The following MBNL2 variants were observed in gnomAD, a reference collection of about 807,000 sequenced individuals.
MBNL2 encodes muscleblind-like protein 2.
A neutral mutation model predicts 41.9 loss-of-function variants in MBNL2; 17 were observed. The observed-to-expected ratio is 0.41, with a 90% confidence interval of 0.28 to 0.61. The LOEUF is 0.61. Among genes scored for constraint, MBNL2 ranks in the 20% least tolerant of loss-of-function variants. MBNL2 has a pLI of 0.35. For synonymous variants in MBNL2, 195 were observed against 182.9 expected (o/e 1.07, Z -0.53); for missense variants, 336 against 505.6 (o/e 0.66, Z 3.22).
At position 97,366,747 on chromosome 13, in the gene MBNL2, T is replaced by C; in HGVS notation, c.1048+1576T>C. 1 of 654,280 alleles carries C rather than the reference T, an allele frequency of 1.5e-6. No homozygotes were observed. Among genetic ancestry groups the C allele is most frequent in the South Asian group, 1.7e-5 (1 of 60,120 alleles). 40.5% of individuals were successfully genotyped at this position (654,280 alleles called of 1,614,324 possible). A position where few individuals can be genotyped will look rare whatever the true frequency, so the allele number is the denominator to read the frequency against. ...TTAACATTTACTGCAAATAATGATGTAGCTATGTTTTGTGTTGCACTGTTT... is the reference window on the plus strand; with the variant it reads ...TTAACATTTACTGCAAATAATGATGCAGCTATGTTTTGTGTTGCACTGTTT... On this transcript the variant is annotated intron_variant, in intron 8 of 8. Transcript: ENST00000679496. This position sits in a 1 kb window ranked among gnomAD's most constrained non-coding sequence, Gnocchi z 4.7.
intron 2 of MBNL2, among the ~76,000 whole-genome samples, chr13:97,315,137 G>T (rs1305592976): frequency 6.6e-6 from 1 of 151,762 alleles, no homozygotes; most frequent in African/African-American, 2.4e-5. Flanking sequence ...AGTATTTTTT[G>T]TCTTACTGGA....
intron 2 of MBNL2, among the ~76,000 whole-genome samples, chr13:97,284,731 A>C (rs1312292750): frequency 6.6e-6 from 1 of 152,216 alleles, no homozygotes. Flanking sequence ...GAGGCTTGCA[A>C]AACTCCAGAA....
chr13:97,300,407 G>A (rs926495066), intron 2 of MBNL2, among the ~76,000 whole-genome samples: 12 of 152,208 alleles, frequency 7.9e-5, no homozygotes, highest in Non-Finnish European at 1.8e-4. Flanking sequence ...GTGGGGGATA[G>A]TTTGGGGATG....
the MBNL2 span, among the ~76,000 whole-genome samples, chr13:97,172,058 G>T: frequency 6.6e-6 from 1 of 152,122 alleles, no homozygotes; most frequent in Non-Finnish European, 1.5e-5. Flanking sequence ...TTTATCAGCA[G>T]AGTGAAAACG....
At chr13:97,375,038 C>T (rs941746395) in intron 8 of MBNL2, among the ~76,000 whole-genome samples, 3 of 152,112 alleles carry the variant, frequency 2.0e-5, no homozygotes, top group Non-Finnish European at 2.9e-5. Context: ...TGCCTACCTT[C>T]TCACACGTCT....
Position 97,388,733 on chromosome 13 carries a change from A to G in MBNL2, c.1049-2589A>G, listed in dbSNP as rs1444766361. Among the ~76,000 whole-genome samples the G allele has an allele frequency of 3.3e-5, 5 of 152,290 alleles. No homozygotes were observed. The South Asian group carries it at 8.3e-4, about 25-fold the overall frequency. On this transcript the variant is annotated intron_variant, in intron 8 of 8. Coordinates refer to ENST00000679496, the MANE Select transcript of MBNL2 (RefSeq NM_001382683.1). ...CTTGATCTGTATCCCTGTTCTGTCT[A>G]TATCTCCAGGGCATATTTCACCCCA...
intron 8 of MBNL2, among the ~76,000 whole-genome samples, chr13:97,390,677 G>A (rs1455398316): frequency 6.6e-6 from 1 of 152,098 alleles, no homozygotes; most frequent in Non-Finnish European, 1.5e-5. Context: ...CTTTATCTGT[G>A]CTTTAGCTGT....
intron 7 of MBNL2, chr13:97,363,209 G>A (rs2063556887): frequency 6.6e-6 from 1 of 152,158 alleles, no homozygotes; most frequent in Non-Finnish European, 1.5e-5. Flanking sequence ...TAGAGGAAAG[G>A]ACCTGGAACT....
intron 1 of MBNL2, among the ~76,000 whole-genome samples, chr13:97,255,017 C>CATTAATTCAGATGA (rs2047260989): frequency 6.6e-6 from 1 of 152,160 alleles, no homozygotes; most frequent in Non-Finnish European, 1.5e-5. Flanking sequence ...ATGAAATCAT[C>CATTAATTCAGATGA]AACCTTAATG....
chr13:97,169,584 G>C, the MBNL2 span, among the ~76,000 whole-genome samples: 15 of 152,294 alleles, frequency 9.8e-5, no homozygotes, highest in South Asian at 3.1e-3. Context: ...AGCGTTTTGT[G>C]TTTCTAAATG....
chr13:97,241,949 A>G (rs188750524), intron 1 of MBNL2, among the ~76,000 whole-genome samples: 4 of 152,286 alleles, frequency 2.6e-5, no homozygotes, highest in South Asian at 2.1e-4. Flanking sequence ...ACAAAAGCCA[A>G]TAGGAGGAAA....
chr13:97,388,341 G>A (rs1006929496), intron 8 of MBNL2, among the ~76,000 whole-genome samples: 1 of 132,982 alleles, frequency 7.5e-6, no homozygotes, highest in Non-Finnish European at 1.6e-5. Flanking sequence ...ATATATCATT[G>A]GTATGGGAGA....
the MBNL2 span, among the ~76,000 whole-genome samples, chr13:97,193,622 T>C: frequency 2.6e-5 from 4 of 152,298 alleles, no homozygotes; most frequent in African/African-American, 9.6e-5. Flanking sequence ...TTAAACGTGA[T>C]AATCAAGGTA....
At chr13:97,386,001 CA>C (rs1458784367) in intron 8 of MBNL2, among the ~76,000 whole-genome samples, 5 of 152,208 alleles carry the variant, frequency 3.3e-5, no homozygotes, top group African/African-American at 1.2e-4. Context: ...AATCCATCAT[CA>C]CATGGCAGAG....
chr13:97,272,420 T>C (rs2051241015), intron 1 of MBNL2, among the ~76,000 whole-genome samples: 2 of 152,236 alleles, frequency 1.3e-5, no homozygotes, highest in Non-Finnish European at 2.9e-5. Flanking sequence ...ACTCTAATGA[T>C]AGTTTCTTTC....
the MBNL2 span, among the ~76,000 whole-genome samples, chr13:97,195,707 G>A: frequency 1.3e-5 from 2 of 152,196 alleles, no homozygotes; most frequent in African/African-American, 2.4e-5. Context: ...ATAATTAGAT[G>A]TGATAAGTGA....
upstream of MBNL2, among the ~76,000 whole-genome samples, chr13:97,218,098 T>C (rs1242710657): frequency 6.6e-6 from 1 of 152,082 alleles, no homozygotes; most frequent in Non-Finnish European, 1.5e-5. Flanking sequence ...AAATGAGTCA[T>C]CTCTGGTACA....
At chr13:97,193,297 G>GATTTTGGTT in the MBNL2 span, among the ~76,000 whole-genome samples, 2 of 152,214 alleles carry the variant, frequency 1.3e-5, no homozygotes, top group Non-Finnish European at 2.9e-5. Context: ...CTTTTAGTTG[G>GATTTTGGTT]ATTTTGGTTC....
At chr13:97,144,501 C>T in the MBNL2 span, among the ~76,000 whole-genome samples, 2 of 140,392 alleles carry the variant, frequency 1.4e-5, no homozygotes, top group African/African-American at 2.9e-5. Context: ...GTAATCTCAG[C>T]TTACTGCAAC....
Sources: allele counts gnomAD v4.1 joint callset (sites outside exome capture counted in the v4.1 genomes callset), GRCh38; gene constraint gnomAD v4.1.1; non-coding constraint Gnocchi (gnomAD v3.1); transcripts MANE v1.5; gene names NCBI Gene and HGNC (gene_info 2026-07-23, HGNC 2026-07-21).